The following TENM3 variants were observed in gnomAD, a reference collection of about 807,000 sequenced individuals.
TENM3 encodes teneurin transmembrane protein 3.
A neutral mutation model predicts 255.1 loss-of-function variants in TENM3; 63 were observed. That is an observed-to-expected ratio of 0.25 (90% CI 0.20 to 0.30). The LOEUF (loss-of-function observed/expected upper bound fraction) is 0.30, where lower values mean the gene tolerates loss of function less well. Ranked by LOEUF, TENM3 falls within the 10% of genes least tolerant of loss-of-function variation. The pLI, the probability that TENM3 is intolerant of heterozygous loss-of-function variation, is 1.00. For missense variants in TENM3, 2,929 were observed against 3,461.1 expected, an observed-to-expected ratio of 0.85 and a Z score of 3.86; for synonymous variants, 1,306 against 1,322.3, an observed-to-expected ratio of 0.99 and a Z score of 0.27.
intron 1 of TENM3, among the ~76,000 whole-genome samples, chr4:182,289,462 G>C (rs961954839): frequency 6.6e-5 from 10 of 152,184 alleles, no homozygotes; most frequent in African/African-American, 2.2e-4. Context: ...ACTCTGCAGG[G>C]ACACATGTAT....
the TENM3 span, among the ~76,000 whole-genome samples, chr4:181,494,632 G>A: frequency 1.3e-5 from 2 of 152,054 alleles, no homozygotes; most frequent in Non-Finnish European, 2.9e-5. Flanking sequence ...ATGTTCAGTG[G>A]TCTTACACGT....
chr4:182,621,178 C>T (rs1042153855), intron 4 of TENM3, among the ~76,000 whole-genome samples: 2 of 123,994 alleles, frequency 1.6e-5, no homozygotes, highest in South Asian at 2.5e-4. Context: ...GAGACTCCGT[C>T]TAAAAAAAAA....
At chr4:181,780,480 G>A in the TENM3 span, among the ~76,000 whole-genome samples, 2 of 152,104 alleles carry the variant, frequency 1.3e-5, no homozygotes, top group East Asian at 1.9e-4. Flanking sequence ...TTTTGATGGG[G>A]TTGTTTGTTT....
chr4:182,057,153 A>G, the TENM3 span, among the ~76,000 whole-genome samples: 2 of 151,858 alleles, frequency 1.3e-5, no homozygotes, highest in South Asian at 4.2e-4. Context: ...TACTGCTGGG[A>G]ATTCTCTTTA....
chr4:182,457,651 A>G (rs2151371467), intron 3 of TENM3, among the ~76,000 whole-genome samples: 1 of 150,570 alleles, frequency 6.6e-6, no homozygotes, highest in South Asian at 2.1e-4. Context: ...TCCAACTCCT[A>G]GGCACAAGTG....
the TENM3 span, among the ~76,000 whole-genome samples, chr4:181,801,790 G>T: frequency 1.4e-4 from 21 of 150,944 alleles, no homozygotes; most frequent in East Asian, 4.1e-3. Flanking sequence ...AATGGTTTCT[G>T]CAGGTTTGTC....
chr4:182,363,318 TGA>T (rs1310253763), intron 3 of TENM3, among the ~76,000 whole-genome samples: 1 of 151,942 alleles, frequency 6.6e-6, no homozygotes, highest in East Asian at 1.9e-4. Flanking sequence ...TATATATATA[TGA>T]GTGTGTGTAC....
intron 3 of TENM3, among the ~76,000 whole-genome samples, chr4:182,363,764 T>A (rs1241450276): frequency 6.6e-6 from 1 of 152,060 alleles, no homozygotes; most frequent in African/African-American, 2.4e-5. Flanking sequence ...GTGAAAAAAT[T>A]TTTAAGACTA....
intron 3 of TENM3, among the ~76,000 whole-genome samples, chr4:182,539,113 G>A (rs1255954500): frequency 6.6e-6 from 1 of 151,298 alleles, no homozygotes; most frequent in Admixed American, 6.6e-5. Context: ...AGAGGCCTGA[G>A]TGATTCTGTA....
chr4:181,762,090 GC>G, the TENM3 span, among the ~76,000 whole-genome samples: 1 of 152,126 alleles, frequency 6.6e-6, no homozygotes, highest in East Asian at 1.9e-4. Context: ...CAATATCATA[GC>G]TATTAGGAAG....
At chr4:182,499,272 T>A (rs767968388) in intron 3 of TENM3, among the ~76,000 whole-genome samples, 2 of 152,082 alleles carry the variant, frequency 1.3e-5, no homozygotes, top group Non-Finnish European at 2.9e-5. Context: ...AAAAAGAAAA[T>A]AAATTACAGC....
chr4:181,525,039 T>G, the TENM3 span, among the ~76,000 whole-genome samples: 4 of 152,226 alleles, frequency 2.6e-5, no homozygotes, highest in Non-Finnish European at 5.9e-5. Context: ...ATGAACCTAT[T>G]GTTTAATGCA....
At chr4:181,669,538 G>C in the TENM3 span, among the ~76,000 whole-genome samples, 2 of 151,978 alleles carry the variant, frequency 1.3e-5, no homozygotes, top group African/African-American at 4.8e-5. Context: ...GCTGAGTTAG[G>C]GTTCTTAGCA....
At chr4:182,457,316 G>A (rs1773956413) in intron 3 of TENM3, among the ~76,000 whole-genome samples, 1 of 151,928 alleles carries the variant, frequency 6.6e-6, no homozygotes, top group Non-Finnish European at 1.5e-5. Flanking sequence ...AATCCAGACT[G>A]GACATTTTCT....
chr4:182,455,852 G>A (rs539200877), intron 3 of TENM3, among the ~76,000 whole-genome samples: 114 of 152,144 alleles, frequency 7.5e-4, no homozygotes, highest in Middle Eastern at 3.4e-3. Flanking sequence ...ATGAGCCACC[G>A]CACCCGGCCT....
chr4:182,285,746 T>G (rs1039031529), intron 1 of TENM3, among the ~76,000 whole-genome samples: 3 of 152,020 alleles, frequency 2.0e-5, no homozygotes, highest in African/African-American at 7.2e-5. Flanking sequence ...CGTGGAATTG[T>G]GAAGGGGATG....
the TENM3 span, among the ~76,000 whole-genome samples, chr4:181,824,396 C>G: frequency 2.6e-5 from 4 of 152,048 alleles, no homozygotes; most frequent in Non-Finnish European, 5.9e-5. Context: ...TCACTGCACC[C>G]GACCAACATA....
At chr4:182,084,556 G>T in the TENM3 span, among the ~76,000 whole-genome samples, 1 of 152,052 alleles carries the variant, frequency 6.6e-6, no homozygotes, top group Non-Finnish European at 1.5e-5. Context: ...TAGAATATAA[G>T]CTACAAAATT....
chr4:182,303,387 C>A (rs978929130), intron 1 of TENM3, among the ~76,000 whole-genome samples: 2 of 152,110 alleles, frequency 1.3e-5, no homozygotes, highest in African/African-American at 4.8e-5. Flanking sequence ...TTACCAAAGT[C>A]CCACTGAACC....
Sources: gnomAD v4.1 joint callset for allele counts (sites outside exome capture counted in the v4.1 genomes callset) on GRCh38, gnomAD v4.1.1 for gene constraint, MANE v1.5 for transcripts, NCBI Gene and HGNC (gene_info 2026-07-23, HGNC 2026-07-21) for gene names.